The following MTOR variants were observed in gnomAD, a reference collection of about 807,000 sequenced individuals.
The protein encoded by MTOR is mechanistic target of rapamycin kinase.
MTOR carries 70 observed loss-of-function variants against 319.8 expected under a neutral mutation model. The ratio of observed to expected loss-of-function variants is 0.22; its 90% CI spans 0.18 to 0.27. The LOEUF is 0.27. Ranked by LOEUF, MTOR falls within the 10% of genes least tolerant of loss-of-function variation. MTOR has a pLI of 1.00. For missense variants in MTOR, 1,890 were observed against 3,274.4 expected (o/e 0.58, Z 10.32); for synonymous variants, 1,183 against 1,211.4 (o/e 0.98, Z 0.49).
chr1:11,128,194 AAGG>A lies in MTOR; in HGVS notation c.5911-71_5911-69del. Reference sequence around the variant, plus strand: ...TTGGGGAAGAGCTGGTATGAATTTTAAGGAGAATAACAAAACAAGTGGTGAGTG... The same window carrying A: ...TTGGGGAAGAGCTGGTATGAATTTTAAGAATAACAAAACAAGTGGTGAGTG... On this transcript the variant is annotated intron_variant, in intron 42 of 57. Transcript: ENST00000361445. The surrounding 1 kb of genome is among the most constrained non-coding windows in gnomAD (Gnocchi z 5.3). 1 of 1,588,046 alleles carries A rather than the reference AAGG, an allele frequency of 6.3e-7. No individual in the cohort carries two copies. Among genetic ancestry groups the A allele is most frequent in the South Asian group, 1.1e-5 (1 of 87,308 alleles).
chr1:11,228,973 G>C (rs2100857802), intron 18 of MTOR, 55 bp from the exon 19 acceptor site: 1 of 1,594,912 alleles, frequency 6.3e-7, no homozygotes, highest in Non-Finnish European at 8.6e-7. Context: ...CGTGACTTCA[G>C]GCAGAGCATG....
At chr1:11,219,860 T>C (rs1019780625) in intron 19 of MTOR, among the ~76,000 whole-genome samples, 3 of 151,218 alleles carry the variant, frequency 2.0e-5, no homozygotes, top group Admixed American at 6.6e-5. Flanking sequence ...CCTGTCTCTA[T>C]TGAAAATGCA....
intron 31 of MTOR, 55 bp downstream of exon 31, chr1:11,150,071 G>A: frequency 1.3e-6 from 2 of 1,503,796 alleles, no homozygotes; most frequent in South Asian, 2.3e-5. Flanking sequence ...TCTGATGCGA[G>A]CCCCTAGCCT....
chr1:11,205,699 CA>C (rs1190939279), intron 25 of MTOR, among the ~76,000 whole-genome samples: 1 of 152,110 alleles, frequency 6.6e-6, no homozygotes, highest in African/African-American at 2.4e-5. Context: ...AATAAAGGAG[CA>C]AAAAATGATT....
intron 13 of MTOR, 107 bp from the exon 14 acceptor site, chr1:11,234,372 C>T: frequency 7.6e-7 from 1 of 1,314,704 alleles, no homozygotes; most frequent in African/African-American, 1.5e-5. Context: ...ACCCAGACCT[C>T]CACGACAGAT....
At chr1:11,236,653 C>T (rs554526285) in intron 13 of MTOR, among the ~76,000 whole-genome samples, 45 of 151,862 alleles carry the variant, frequency 3.0e-4, no homozygotes, top group Non-Finnish European at 5.4e-4. Flanking sequence ...GTATTACAGA[C>T]GCCTGCCAAC....
chr1:11,219,326 T>TA (rs1646581828), intron 19 of MTOR, among the ~76,000 whole-genome samples: 2 of 151,510 alleles, frequency 1.3e-5, no homozygotes, highest in African/African-American at 4.9e-5. Context: ...TAAAAGGAGA[T>TA]AAAGAAATTT....
Position 11,109,782 on chromosome 1 carries a change from T to G in MTOR, c.7367-53A>C. On this transcript the variant is annotated intron_variant, in intron 54 of 57. Coordinates refer to ENST00000361445, the MANE Select transcript of MTOR (RefSeq NM_004958.4). This position sits in a 1 kb window ranked among gnomAD's most constrained non-coding sequence, Gnocchi z 4.0. ...AAATTCAAACACCAAAAAGCCACTG[T>G]TGGTGTTAGCATCTAATTCTCTACG... The G allele has an allele frequency of 6.6e-7, 1 of 1,513,290 alleles. No homozygotes were observed. Among genetic ancestry groups the G allele is most frequent in the Non-Finnish European group, 9.2e-7 (1 of 1,088,720 alleles). The allele number at this position is 1,513,290 out of a possible 1,614,324, so 93.7% of individuals were successfully genotyped here. A position where few individuals can be genotyped will look rare whatever the true frequency, so the allele number is the denominator to read the frequency against.
At chr1:11,188,830 G>C (rs1645406940) in intron 28 of MTOR, among the ~76,000 whole-genome samples, 1 of 152,146 alleles carries the variant, frequency 6.6e-6, no homozygotes, top group African/African-American at 2.4e-5. Context: ...GTTAGATCCA[G>C]GTTGAGTAAG....
intron 52 of MTOR, 53 bp downstream of exon 52, chr1:11,114,760 C>T: frequency 6.4e-7 from 1 of 1,551,906 alleles, no homozygotes; most frequent in East Asian, 2.2e-5. Flanking sequence ...TCTCAGAAGG[C>T]TGTAACTGTC....
In MTOR at chr1:11,207,121, C is replaced by G. The variant is rs188893872; in HGVS notation, c.3801+2191G>C. ...TTTTTTGTCGTTGTTGTTGGTGAGA[C>G]AGGGTCTTGCTCTGTTGCCTGTGCT... On this transcript the variant is annotated intron_variant, in intron 25 of 57. Coordinates refer to ENST00000361445, the MANE Select transcript of MTOR (RefSeq NM_004958.4). 2.4e-4 allele frequency among the ~76,000 whole-genome samples: 36 copies of G among 152,252 alleles called. 1 individual carries two copies. Among genetic ancestry groups the G allele is most frequent in the African/African-American group, 8.4e-4 (35 of 41,554 alleles).
At chr1:11,139,686 T>C in intron 34 of MTOR, 28 bp from the exon 35 acceptor site, 1 of 1,613,978 alleles carries the variant, frequency 6.2e-7, no homozygotes, top group Non-Finnish European at 8.5e-7. Flanking sequence ...GAAGATTAGA[T>C]ATGTCTTCTG....
At chr1:11,198,999 A>C (rs1645876914) in intron 28 of MTOR, among the ~76,000 whole-genome samples, 1 of 152,190 alleles carries the variant, frequency 6.6e-6, no homozygotes, top group African/African-American at 2.4e-5. Context: ...TTCTCAACTA[A>C]ATTTCACTGG....
At position 11,139,069 on chromosome 1, in the gene MTOR, CAT is replaced by C. The variant is rs3831316; in HGVS notation, c.5130+233_5130+234del. On this transcript the variant is annotated intron_variant, in intron 36 of 57. Transcript: ENST00000361445. ...TCCCAGCACTTTCTAGATACAAATA[CAT>C]ATAACTGTGATCACATTCATTGGTT... The C allele has an allele frequency of 0.016, 8,227 of 503,536 alleles. 296 individuals are homozygous for C. Among genetic ancestry groups the C allele is most frequent in the African/African-American group, 0.067 (3,402 of 50,714 alleles). The allele number at this position is 503,536 out of a possible 1,614,324, so 31.2% of individuals were successfully genotyped here. A position where few individuals can be genotyped will look rare whatever the true frequency, so the allele number is the denominator to read the frequency against.
At chr1:11,213,067 CCCT>C (rs1646361472) in intron 21 of MTOR, among the ~76,000 whole-genome samples, 159 bp from the exon 22 acceptor site, 3 of 152,246 alleles carry the variant, frequency 2.0e-5, no homozygotes, top group African/African-American at 7.2e-5. Context: ...CACTTTCTTC[CCCT>C]CATTTTATTT....
intron 31 of MTOR, 28 bp downstream of exon 31, chr1:11,150,098 C>T: frequency 6.2e-7 from 1 of 1,603,648 alleles, no homozygotes; most frequent in Non-Finnish European, 8.5e-7. Flanking sequence ...CCCCATCCTT[C>T]ACAGGGTGCC....
chr1:11,235,732 C>T (rs1439069936), intron 13 of MTOR, among the ~76,000 whole-genome samples: 3 of 152,104 alleles, frequency 2.0e-5, no homozygotes, highest in Non-Finnish European at 4.4e-5. Context: ...ACCTGTAATC[C>T]CAGCACTTTG....
intron 32 of MTOR, among the ~76,000 whole-genome samples, chr1:11,145,469 C>T (rs1040138777): frequency 2.0e-5 from 3 of 151,966 alleles, no homozygotes; most frequent in Admixed American, 6.6e-5. Flanking sequence ...CTCCACCTCC[C>T]GGGTTCAAGT....
chr1:11,213,756 T>C (rs986084078), intron 20 of MTOR, among the ~76,000 whole-genome samples, 190 bp from the exon 21 acceptor site: 2 of 152,128 alleles, frequency 1.3e-5, no homozygotes, highest in Non-Finnish European at 2.9e-5. Context: ...ACAAACTCAA[T>C]TGCATTTCCC....
Sources: gnomAD v4.1 joint callset for allele counts (sites outside exome capture counted in the v4.1 genomes callset) on GRCh38, gnomAD v4.1.1 for gene constraint, Gnocchi (gnomAD v3.1) non-coding constraint, MANE v1.5 for transcripts, NCBI Gene and HGNC (gene_info 2026-07-23, HGNC 2026-07-21) for gene names.